Variants in LRRC20 observed in about 807,000 individuals in gnomAD.
The protein encoded by LRRC20 is leucine rich repeat containing 20.
In LRRC20, 11 loss-of-function variants were observed where a neutral mutation model predicts 14.4. The observed-to-expected ratio is 0.77, with a 90% CI of 0.48 to 1.27. LRRC20 has a LOEUF of 1.27. Among genes scored for constraint, LRRC20 ranks in the 50% most tolerant of loss-of-function variants. LRRC20 has a pLI of 0.00. For missense variants in LRRC20, 219 were observed against 251.2 expected (o/e 0.87, Z 0.87); for synonymous variants, 121 against 107.3 (o/e 1.13, Z -0.79).
rs554811290 is a variant in LRRC20 at position 70,342,144 on chromosome 10, C to T, written c.83-1442G>A. 3.2e-3 allele frequency among the ~76,000 whole-genome samples: 488 copies of T among 151,062 alleles called. 1 individual carries two copies. The highest frequency in any genetic ancestry group is 3.8e-3 in the Non-Finnish European group (259 of 67,758). On this transcript the variant is annotated intron_variant, in intron 2 of 4. Transcript: ENST00000446961. ...AGAAACCCCATCTCTACTAAAAATA[C>T]AAAAAAAACAAAAAAATTAGCTGGG...
intron 4 of LRRC20, among the ~76,000 whole-genome samples, chr10:70,318,388 G>A (rs1407033365): frequency 1.3e-5 from 2 of 152,222 alleles, no homozygotes; most frequent in African/African-American, 4.8e-5. Context: ...ATAGTAAGGT[G>A]AAACAGGACA....
At chr10:70,319,187 A>AAG (rs1554837449) in intron 4 of LRRC20, among the ~76,000 whole-genome samples, 2,387 of 151,378 alleles carry the variant, frequency 0.016, 92 homozygotes, top group African/African-American at 0.056. Flanking sequence ...AAAAAAAAAA[A>AAG]AAAGAAAGAA....
intron 2 of LRRC20, among the ~76,000 whole-genome samples, chr10:70,375,947 G>A (rs925991881): frequency 6.6e-6 from 1 of 152,080 alleles, no homozygotes; most frequent in Non-Finnish European, 1.5e-5. Flanking sequence ...AAATATATAA[G>A]ACACAATTCA....
intron 3 of LRRC20, among the ~76,000 whole-genome samples, chr10:70,339,074 T>C (rs1336611603): frequency 1.3e-5 from 2 of 152,252 alleles, no homozygotes; most frequent in Non-Finnish European, 2.9e-5. Context: ...TTGACCTGTC[T>C]ACACAGCAGC....
intron 2 of LRRC20, among the ~76,000 whole-genome samples, chr10:70,350,262 C>A (rs185241025): frequency 6.6e-6 from 1 of 152,334 alleles, no homozygotes; most frequent in East Asian, 1.9e-4. Flanking sequence ...ACCTGGGCTG[C>A]AGCAGGGAAC....
intron 2 of LRRC20, among the ~76,000 whole-genome samples, chr10:70,367,340 A>AAAAG (rs1554843834): frequency 1.0e-3 from 145 of 145,032 alleles, no homozygotes; most frequent in Admixed American, 4.0e-3. Flanking sequence ...AAAAAAAAAA[A>AAAAG]AAAGAAAGAA....
chr10:70,347,049 C>A (rs1313182064), intron 2 of LRRC20, among the ~76,000 whole-genome samples: 1 of 152,122 alleles, frequency 6.6e-6, no homozygotes, highest in East Asian at 1.9e-4. Flanking sequence ...CCATGCCCTG[C>A]TAATTTTTGT....
chr10:70,313,176 G>A (rs1234289771), intron 4 of LRRC20, among the ~76,000 whole-genome samples: 3 of 152,282 alleles, frequency 2.0e-5, no homozygotes, highest in African/African-American at 4.8e-5. Flanking sequence ...CAGCTGAAAC[G>A]GCTGGGCCCA....
intron 4 of LRRC20, among the ~76,000 whole-genome samples, chr10:70,311,066 G>A (rs556425901): frequency 6.6e-6 from 1 of 152,084 alleles, no homozygotes; most frequent in South Asian, 2.1e-4. Context: ...CTCCCAGATA[G>A]CATGCTATGA....
chr10:70,327,054 T>C (rs986691739), intron 3 of LRRC20, among the ~76,000 whole-genome samples: 29 of 152,172 alleles, frequency 1.9e-4, no homozygotes, highest in African/African-American at 7.0e-4. Flanking sequence ...ATAAGAAGCA[T>C]CTACCCCTGG....
At chr10:70,364,518 G>A (rs999088360) in intron 2 of LRRC20, among the ~76,000 whole-genome samples, 2 of 152,226 alleles carry the variant, frequency 1.3e-5, no homozygotes, top group Non-Finnish European at 2.9e-5. Flanking sequence ...CTCTTGTTCA[G>A]AAAAGGGGTT....
intron 2 of LRRC20, among the ~76,000 whole-genome samples, chr10:70,345,979 C>T (rs1184443374): frequency 2.6e-5 from 4 of 151,932 alleles, no homozygotes; most frequent in East Asian, 1.9e-4. Flanking sequence ...AAATAAAATA[C>T]GGCTGGATAT....
intron 2 of LRRC20, among the ~76,000 whole-genome samples, chr10:70,374,190 C>T (rs1844411770): frequency 6.6e-6 from 1 of 152,154 alleles, no homozygotes; most frequent in African/African-American, 2.4e-5. Context: ...GTGCCTGTCT[C>T]CTCACCGCTG....
intron 4 of LRRC20, among the ~76,000 whole-genome samples, chr10:70,305,338 G>A (rs1013346422): frequency 2.6e-5 from 4 of 152,108 alleles, no homozygotes; most frequent in African/African-American, 4.8e-5. Flanking sequence ...ATATCTCTTC[G>A]AGACCCTGCT....
chr10:70,301,631 C>T (rs375322035), intron 4 of LRRC20, 123 bp from the exon 5 acceptor site: 236 of 1,199,550 alleles, frequency 2.0e-4, no homozygotes, highest in Middle Eastern at 8.2e-4. Flanking sequence ...GCCCACTGCA[C>T]GTGGGCTCAG....
At chr10:70,301,717 T>TA (rs1841193834) in intron 4 of LRRC20, among the ~76,000 whole-genome samples, 3 of 152,178 alleles carry the variant, frequency 2.0e-5, no homozygotes, top group African/African-American at 4.8e-5. Context: ...AAAGCATCCT[T>TA]AAAAATAAGA....
At chr10:70,379,743 C>T (rs1407330674) in intron 1 of LRRC20, among the ~76,000 whole-genome samples, 2 of 152,174 alleles carry the variant, frequency 1.3e-5, no homozygotes, top group Non-Finnish European at 2.9e-5. Context: ...CAATCAGGCA[C>T]TATGCCTGCA....
chr10:70,354,771 G>A (rs192830068), intron 2 of LRRC20, among the ~76,000 whole-genome samples: 1 of 152,210 alleles, frequency 6.6e-6, no homozygotes, highest in Non-Finnish European at 1.5e-5. Flanking sequence ...TTTCAGGACA[G>A]AGCAGCAGAG....
At chr10:70,303,903 G>T (rs1281664134) in intron 4 of LRRC20, among the ~76,000 whole-genome samples, 2 of 152,204 alleles carry the variant, frequency 1.3e-5, no homozygotes, top group African/African-American at 2.4e-5. Flanking sequence ...GGTGACAGAA[G>T]TATTTTGGAA....
Sources: allele counts gnomAD v4.1 joint callset (sites outside exome capture counted in the v4.1 genomes callset), GRCh38; gene constraint gnomAD v4.1.1; transcripts MANE v1.5; gene names NCBI Gene and HGNC (gene_info 2026-07-23, HGNC 2026-07-21).